SGCZ: variants seen among roughly 807,000 people sequenced by gnomAD.
SGCZ encodes the protein zeta-sarcoglycan.
A neutral mutation model predicts 41.3 loss-of-function variants in SGCZ; 40 were observed. The observed-to-expected ratio is 0.97, with a 90% confidence interval of 0.75 to 1.26. The LOEUF is 1.26. SGCZ is among the 50% of genes most tolerant of loss of function. The pLI is 0.00. For synonymous variants in SGCZ, 206 were observed against 137.5 expected, an observed-to-expected ratio of 1.50 and a Z score of -3.49; for missense variants, 552 against 369.8, an observed-to-expected ratio of 1.49 and a Z score of -4.04.
intron 4 of SGCZ, among the ~76,000 whole-genome samples, chr8:14,169,437 A>G (rs1171484805): frequency 6.6e-6 from 1 of 152,104 alleles, no homozygotes; most frequent in Non-Finnish European, 1.5e-5. Context: ...GTAACTTCCA[A>G]GTCAGTAAAT....
At chr8:15,067,009 G>T (rs577700394) in intron 1 of SGCZ, among the ~76,000 whole-genome samples, 1 of 152,108 alleles carries the variant, frequency 6.6e-6, no homozygotes, top group African/African-American at 2.4e-5. Context: ...AACCTTCTTA[G>T]ATATTGAAAT....
intron 1 of SGCZ, among the ~76,000 whole-genome samples, chr8:15,126,808 A>C (rs1161681647): frequency 6.6e-6 from 1 of 151,978 alleles, no homozygotes; most frequent in African/African-American, 2.4e-5. Context: ...TGGGGGAGAA[A>C]AGTGGGAGAT....
chr8:14,578,893 G>GA (rs1331815887), intron 1 of SGCZ, among the ~76,000 whole-genome samples: 1 of 152,032 alleles, frequency 6.6e-6, no homozygotes, highest in Non-Finnish European at 1.5e-5. Context: ...TTTAATTGTT[G>GA]AAAATCTATG....
chr8:14,442,934 C>A (rs1800315389), intron 2 of SGCZ, among the ~76,000 whole-genome samples: 1 of 152,150 alleles, frequency 6.6e-6, no homozygotes, highest in Non-Finnish European at 1.5e-5. Flanking sequence ...CCAAAATCTC[C>A]TTAAGCTGAT....
In SGCZ at chr8:14,086,972, C is replaced by T. The variant is rs749221885; in HGVS notation, c.*3471G>A. 2.0e-5 allele frequency among the ~76,000 whole-genome samples: 3 copies of T among 151,410 alleles called. No individual in the cohort carries two copies. The highest frequency in any genetic ancestry group is 6.6e-5 in the Admixed American group (1 of 15,156). On this transcript the variant is annotated 3_prime_UTR_variant, in exon 8 of 8. Transcript: ENST00000382080. The stretch of plus-strand genomic sequence containing the variant: ...TCACAGATAAGTGAACTGTGACCAA[C>T]GTAATTAAATATATGTCTTAAGTAG...
chr8:14,985,132 G>A (rs554465848), intron 1 of SGCZ, among the ~76,000 whole-genome samples: 4 of 152,248 alleles, frequency 2.6e-5, no homozygotes, highest in African/African-American at 9.6e-5. Context: ...AGGATTTAGA[G>A]TTTGAAATGA....
intron 1 of SGCZ, among the ~76,000 whole-genome samples, chr8:14,956,189 G>A (rs1343091543): frequency 2.0e-5 from 3 of 151,644 alleles, no homozygotes; most frequent in East Asian, 1.9e-4. Context: ...ACAGGCATGC[G>A]TGACCACACC....
chr8:14,747,288 T>C (rs546033896), intron 1 of SGCZ, among the ~76,000 whole-genome samples: 17 of 152,238 alleles, frequency 1.1e-4, no homozygotes, highest in Admixed American at 5.2e-4. Context: ...ATGTCTAAAC[T>C]TGTAGCCTGA....
At chr8:14,443,868 A>C (rs1383982759) in intron 2 of SGCZ, among the ~76,000 whole-genome samples, 4 of 152,222 alleles carry the variant, frequency 2.6e-5, no homozygotes, top group African/African-American at 9.6e-5. Flanking sequence ...ATCAGAGTGA[A>C]CAGGCAACCT....
At chr8:14,824,536 T>A (rs1276017941) in intron 1 of SGCZ, among the ~76,000 whole-genome samples, 3 of 152,062 alleles carry the variant, frequency 2.0e-5, no homozygotes, top group Non-Finnish European at 4.4e-5. Context: ...ACATCCTATG[T>A]TTCTCATGCC....
chr8:15,133,286 A>C (rs1451935671), intron 1 of SGCZ, among the ~76,000 whole-genome samples: 4 of 152,148 alleles, frequency 2.6e-5, no homozygotes, highest in African/African-American at 7.2e-5. Context: ...TTCTTCTTAG[A>C]GTTATAAATG....
At chr8:14,180,729 C>G (rs946279325) in intron 4 of SGCZ, among the ~76,000 whole-genome samples, 3 of 152,020 alleles carry the variant, frequency 2.0e-5, no homozygotes, top group Non-Finnish European at 4.4e-5. Flanking sequence ...ACAGGCCTGA[C>G]AAACCCTCAG....
intron 1 of SGCZ, among the ~76,000 whole-genome samples, chr8:14,725,806 CA>C (rs1266809020): frequency 6.6e-6 from 1 of 151,944 alleles, no homozygotes; most frequent in Non-Finnish European, 1.5e-5. Context: ...TTGAAATATA[CA>C]AAAGATTTAG....
intron 1 of SGCZ, among the ~76,000 whole-genome samples, chr8:14,721,808 A>G (rs1809895062): frequency 6.6e-6 from 1 of 152,180 alleles, no homozygotes; most frequent in African/African-American, 2.4e-5. Context: ...CAAAACAAAC[A>G]AAAACCCTGT....
chr8:15,001,728 C>CAAAAAAAAAAAA (rs1223307583), intron 1 of SGCZ, among the ~76,000 whole-genome samples: 1 of 81,046 alleles, frequency 1.2e-5, no homozygotes, highest in Non-Finnish European at 2.6e-5. Context: ...GACTCCGTCT[C>CAAAAAAAAAAAA]AAAAAAAAAA....
At chr8:14,987,626 A>C (rs1801867171) in intron 1 of SGCZ, among the ~76,000 whole-genome samples, 1 of 152,000 alleles carries the variant, frequency 6.6e-6, no homozygotes, top group African/African-American at 2.4e-5. Context: ...CCAAAATATT[A>C]GTAGAAGTAT....
At chr8:14,559,608 G>C (rs1407123508) in intron 1 of SGCZ, among the ~76,000 whole-genome samples, 1 of 151,868 alleles carries the variant, frequency 6.6e-6, no homozygotes, top group African/African-American at 2.4e-5. Context: ...AAATTATTTG[G>C]TTTTCCATCT....
chr8:14,107,939 G>A (rs576556466), intron 6 of SGCZ, among the ~76,000 whole-genome samples: 4 of 152,112 alleles, frequency 2.6e-5, no homozygotes, highest in South Asian at 2.1e-4. Context: ...CACCGTGCCC[G>A]GCCTCAGGAT....
At chr8:14,672,459 T>C (rs1187175102) in intron 1 of SGCZ, among the ~76,000 whole-genome samples, 1 of 152,184 alleles carries the variant, frequency 6.6e-6, no homozygotes, top group Non-Finnish European at 1.5e-5. Flanking sequence ...TATGTATGTA[T>C]TTAATATTCA....
Sources: gnomAD v4.1 joint callset for allele counts (sites outside exome capture counted in the v4.1 genomes callset) on GRCh38, gnomAD v4.1.1 for gene constraint, MANE v1.5 for transcripts, NCBI Gene and HGNC (gene_info 2026-07-23, HGNC 2026-07-21) for gene names.